Variants in SNTG1 observed in about 807,000 individuals in gnomAD.
SNTG1 encodes the protein gamma-1-syntrophin.
In SNTG1, 39 loss-of-function variants were observed where a neutral mutation model predicts 74.7. The ratio of observed to expected loss-of-function variants is 0.52; its 90% CI spans 0.40 to 0.68. The LOEUF (loss-of-function observed/expected upper bound fraction) is 0.68, where lower values mean the gene tolerates loss of function less well. Ranked by LOEUF, SNTG1 falls within the 30% of genes least tolerant of loss-of-function variation. SNTG1 has a pLI of 0.00. For synonymous variants in SNTG1, 254 were observed against 217.1 expected, an observed-to-expected ratio of 1.17 and a Z score of -1.49; for missense variants, 685 against 609.5, an observed-to-expected ratio of 1.12 and a Z score of -1.30.
At chr8:50,785,689 A>T (rs1227342802) in intron 18 of SNTG1, among the ~76,000 whole-genome samples, 3 of 152,072 alleles carry the variant, frequency 2.0e-5, no homozygotes, top group African/African-American at 4.8e-5. Flanking sequence ...TTAGCTTCAT[A>T]GCAAAACCAA....
chr8:50,650,236 G>GT (rs1164239623), intron 13 of SNTG1, among the ~76,000 whole-genome samples: 1 of 151,492 alleles, frequency 6.6e-6, no homozygotes, highest in African/African-American at 2.4e-5. Context: ...TTTTTTCTTC[G>GT]TTTTTTGAGT....
intron 2 of SNTG1, among the ~76,000 whole-genome samples, chr8:50,391,370 C>T (rs1287507658): frequency 1.3e-5 from 2 of 152,058 alleles, no homozygotes; most frequent in East Asian, 1.9e-4. Flanking sequence ...TGCTGGATTA[C>T]GTTTATTGAT....
At chr8:50,709,755 C>T (rs2095456427) in intron 17 of SNTG1, among the ~76,000 whole-genome samples, 1 of 152,154 alleles carries the variant, frequency 6.6e-6, no homozygotes, top group Admixed American at 6.6e-5. Context: ...CTGTTGTCCC[C>T]ATGGAAGACA....
rs16914298 is a variant in SNTG1, at chr8:50,117,094, T to G, written c.-102-55467T>G. On this transcript the variant is annotated intron_variant, in intron 1 of 18. Transcript: ENST00000642720. ...TCACGGTTTACATTTTAAGACAATT[T>G]TAATAATACTGGAACTAACATATTC... Among the ~76,000 whole-genome samples the G allele has an allele frequency of 5.3e-3, 802 of 152,144 alleles. 10 individuals carry two copies. The highest frequency in any genetic ancestry group is 0.018 in the African/African-American group (757 of 41,534).
At chr8:50,688,846 A>C (rs4437666) in intron 15 of SNTG1, among the ~76,000 whole-genome samples, 50,611 of 151,490 alleles carry the variant, frequency 0.33, 10,971 homozygotes, top group African/African-American at 0.61. Flanking sequence ...ATTACCTTGG[A>C]CAGTATGGCC....
chr8:50,306,773 T>C (rs1337850710), intron 2 of SNTG1, among the ~76,000 whole-genome samples: 1 of 152,034 alleles, frequency 6.6e-6, no homozygotes, highest in Non-Finnish European at 1.5e-5. Flanking sequence ...TCCATGTAGA[T>C]TTCAGATACT....
intron 1 of SNTG1, among the ~76,000 whole-genome samples, chr8:50,127,751 C>A (rs1428122382): frequency 1.3e-5 from 2 of 152,156 alleles, no homozygotes; most frequent in Non-Finnish European, 1.5e-5. Flanking sequence ...CCTACAAACT[C>A]TCTGACCAAA....
intron 1 of SNTG1, among the ~76,000 whole-genome samples, chr8:50,095,352 T>C (rs1199221147): frequency 1.3e-5 from 2 of 152,186 alleles, no homozygotes; most frequent in Non-Finnish European, 2.9e-5. Context: ...GTTTAAGGAC[T>C]GAAACCTTTC....
chr8:49,960,041 C>G (rs940736421), intron 1 of SNTG1, among the ~76,000 whole-genome samples: 5 of 152,184 alleles, frequency 3.3e-5, no homozygotes, highest in Admixed American at 3.3e-4. Context: ...TTCAGTTCAG[C>G]ATTCTTTTAC....
chr8:50,693,471 AT>A (rs1385404856), intron 15 of SNTG1, among the ~76,000 whole-genome samples: 10 of 152,198 alleles, frequency 6.6e-5, no homozygotes, highest in African/African-American at 9.7e-5. Context: ...GGACACCTAA[AT>A]ATATAAAGCC....
chr8:49,970,700 C>A (rs1811585375), intron 1 of SNTG1, among the ~76,000 whole-genome samples: 1 of 152,204 alleles, frequency 6.6e-6, no homozygotes, highest in Non-Finnish European at 1.5e-5. Flanking sequence ...GAAGAACATT[C>A]TGTCGTCCTA....
At chr8:50,240,532 A>G (rs768975075) in intron 2 of SNTG1, among the ~76,000 whole-genome samples, 2 of 152,202 alleles carry the variant, frequency 1.3e-5, no homozygotes, top group Non-Finnish European at 2.9e-5. Context: ...AACTAAACCT[A>G]TCACAAGATT....
chr8:49,914,043 ATGGAAACCCTTGTCAATCCT>A (rs1338885083), intron 1 of SNTG1, among the ~76,000 whole-genome samples: 1 of 152,190 alleles, frequency 6.6e-6, no homozygotes. Context: ...ATGAAACTGC[ATGGAAACCCTTGTCAATCCT>A]TATCTGTAGG....
chr8:50,482,842 A>G (rs2093752484), intron 8 of SNTG1, among the ~76,000 whole-genome samples: 1 of 152,182 alleles, frequency 6.6e-6, no homozygotes, highest in Non-Finnish European at 1.5e-5. Context: ...ATAATGATGT[A>G]TTTAGTTTGG....
chr8:50,291,999 G>A (rs1430027961), intron 2 of SNTG1, among the ~76,000 whole-genome samples: 1 of 152,140 alleles, frequency 6.6e-6, no homozygotes, highest in Non-Finnish European at 1.5e-5. Context: ...GTGTGTGTGT[G>A]TGTGTGTGCT....
At chr8:50,738,278 G>A (rs1469397818) in intron 17 of SNTG1, among the ~76,000 whole-genome samples, 1 of 151,988 alleles carries the variant, frequency 6.6e-6, no homozygotes, top group East Asian at 1.9e-4. Context: ...GACAAACAGA[G>A]AGCCAAATCA....
chr8:50,792,170 A>T (rs2095692839), intron 18 of SNTG1, among the ~76,000 whole-genome samples: 1 of 151,680 alleles, frequency 6.6e-6, no homozygotes, highest in Admixed American at 6.6e-5. Context: ...TTGAAAGTGA[A>T]CCATTTGGCT....
chr8:50,708,864 C>G, intron 16 of SNTG1, 22 bp from the exon 17 acceptor site: 2 of 1,527,632 alleles, frequency 1.3e-6, no homozygotes, highest in Non-Finnish European at 1.8e-6. Context: ...TGAAAAGTAA[C>G]AATACTTTCT....
intron 15 of SNTG1, among the ~76,000 whole-genome samples, chr8:50,685,572 T>C (rs1465398039): frequency 6.6e-6 from 1 of 152,226 alleles, no homozygotes; most frequent in African/African-American, 2.4e-5. Context: ...CCTTAATTTT[T>C]TCAAAGGCAG....
Sources: gnomAD v4.1 joint callset for allele counts (sites outside exome capture counted in the v4.1 genomes callset) on GRCh38, gnomAD v4.1.1 for gene constraint, MANE v1.5 for transcripts, NCBI Gene and HGNC (gene_info 2026-07-23, HGNC 2026-07-21) for gene names.